ZNF385D: variants seen among roughly 807,000 people sequenced by gnomAD.
ZNF385D encodes the protein zinc finger protein 659.
A neutral mutation model predicts 35.8 loss-of-function variants in ZNF385D; 15 were observed. The ratio of observed to expected loss-of-function variants is 0.42; its 90% CI spans 0.28 to 0.64. The LOEUF is 0.64. ZNF385D is among the 30% of genes least tolerant of loss of function. ZNF385D has a pLI of 0.23. For missense variants in ZNF385D, 474 were observed against 494.6 expected, an observed-to-expected ratio of 0.96 and a Z score of 0.39; for synonymous variants, 212 against 186.8, an observed-to-expected ratio of 1.13 and a Z score of -1.10.
At chr3:21,865,083 G>T (rs1272779296) in intron 3 of ZNF385D, among the ~76,000 whole-genome samples, 7 of 122,296 alleles carry the variant, frequency 5.7e-5, no homozygotes, top group Non-Finnish European at 6.7e-5. Flanking sequence ...TTTTTGAGAG[G>T]AGGAGCCTAC....
chr3:21,640,504 G>A (rs1049694281), intron 2 of ZNF385D, among the ~76,000 whole-genome samples: 1 of 152,038 alleles, frequency 6.6e-6, no homozygotes, highest in Non-Finnish European at 1.5e-5. Context: ...AGGTAATTAG[G>A]TTTAGAGGCA....
At chr3:22,048,923 T>C (rs915902390) in intron 3 of ZNF385D, among the ~76,000 whole-genome samples, 27 of 152,180 alleles carry the variant, frequency 1.8e-4, no homozygotes, top group African/African-American at 6.0e-4. Flanking sequence ...ATTTCTTTCA[T>C]TCATGTTTTA....
At chr3:22,033,009 T>C (rs946168744) in intron 3 of ZNF385D, among the ~76,000 whole-genome samples, 1 of 152,184 alleles carries the variant, frequency 6.6e-6, no homozygotes, top group African/African-American at 2.4e-5. Flanking sequence ...GACCCTGTGC[T>C]ATACTGCAGA....
At position 22,089,907 on chromosome 3, in the gene ZNF385D, T is replaced by C. The variant is rs191797558; in HGVS notation, c.325+78910A>G. On this transcript the variant is annotated intron_variant, in intron 3 of 5. Transcript: ENST00000494108. ...CTGGAGTGCTGCAGTGGCATGATCTTGGCTCACTGAAACCTCTGCCTCCTG... is the reference window on the plus strand; with the variant it reads ...CTGGAGTGCTGCAGTGGCATGATCTCGGCTCACTGAAACCTCTGCCTCCTG... Among the ~76,000 whole-genome samples the C allele has an allele frequency of 3.8e-3, 572 of 152,242 alleles. 4 individuals carry two copies. Among genetic ancestry groups the C allele is most frequent in the Non-Finnish European group, 7.1e-3 (480 of 67,994 alleles).
chr3:22,020,902 A>G (rs1403475785), intron 3 of ZNF385D, among the ~76,000 whole-genome samples: 1 of 152,034 alleles, frequency 6.6e-6, no homozygotes, highest in Non-Finnish European at 1.5e-5. Flanking sequence ...TCATTAGATA[A>G]GGAAAATATG....
chr3:21,830,265 T>C (rs2125760902), intron 3 of ZNF385D, among the ~76,000 whole-genome samples: 1 of 152,372 alleles, frequency 6.6e-6, no homozygotes, highest in African/African-American at 2.4e-5. Flanking sequence ...CATGAGTATT[T>C]CGGGATTGTA....
chr3:21,949,576 T>C (rs1701964494), intron 3 of ZNF385D, among the ~76,000 whole-genome samples: 1 of 150,414 alleles, frequency 6.6e-6, no homozygotes, highest in Admixed American at 6.6e-5. Context: ...TTTTTAATAC[T>C]TTTAAGTTCT....
intron 1 of ZNF385D, among the ~76,000 whole-genome samples, chr3:21,737,952 T>C (rs1441891207): frequency 1.3e-5 from 2 of 152,352 alleles, no homozygotes; most frequent in African/African-American, 4.8e-5. Flanking sequence ...CGGCCATCAC[T>C]GTGATTAGCG....
At chr3:22,202,326 A>T (rs900525980) in intron 2 of ZNF385D, among the ~76,000 whole-genome samples, 1 of 152,048 alleles carries the variant, frequency 6.6e-6, no homozygotes, top group African/African-American at 2.4e-5. Flanking sequence ...AAGTGTTCAG[A>T]TTCAGCCATG....
chr3:21,478,722 G>A lies in ZNF385D; in HGVS notation c.439+32139C>T, dbSNP rs954858126. Among the ~76,000 whole-genome samples, 13 of 152,164 alleles carry A rather than the reference G, an allele frequency of 8.5e-5. No individual in the cohort carries two copies. In the South Asian group the frequency reaches 1.9e-3, roughly 22 times the overall value. On this transcript the variant is annotated intron_variant, in intron 4 of 7. Coordinates refer to ENST00000281523, the MANE Select transcript of ZNF385D (RefSeq NM_024697.3). ...GTAGGATTATTTTTTCCTAGTACTG[G>A]CTATTTCTTTTGAAAGAAAGAAAGG...
At chr3:21,727,254 T>A (rs779430099) in intron 1 of ZNF385D, among the ~76,000 whole-genome samples, 1 of 152,124 alleles carries the variant, frequency 6.6e-6, no homozygotes, top group South Asian at 2.1e-4. Context: ...ATTCAGGACA[T>A]AGGCATGGGC....
At chr3:22,115,663 T>C (rs112545394) in intron 3 of ZNF385D, among the ~76,000 whole-genome samples, 5 of 152,040 alleles carry the variant, frequency 3.3e-5, no homozygotes, top group African/African-American at 9.7e-5. Context: ...CAGTAAACCA[T>C]ATTGAGAAGT....
chr3:22,186,632 G>A (rs1204761652), intron 2 of ZNF385D, among the ~76,000 whole-genome samples: 1 of 148,460 alleles, frequency 6.7e-6, no homozygotes, highest in African/African-American at 2.4e-5. Context: ...GGGCAAATGA[G>A]CTGGGTCATA....
At chr3:22,129,929 C>A (rs79564045) in intron 3 of ZNF385D, among the ~76,000 whole-genome samples, 1,616 of 152,208 alleles carry the variant, frequency 0.011, 10 homozygotes, top group Non-Finnish European at 0.017. Context: ...TGGGTCACAC[C>A]TGAAGCCAGC....
chr3:21,932,627 TTTC>T (rs1335299838), intron 3 of ZNF385D, among the ~76,000 whole-genome samples: 2 of 151,780 alleles, frequency 1.3e-5, no homozygotes, highest in Non-Finnish European at 2.9e-5. Flanking sequence ...TCAGGATTAT[TTTC>T]TTCTTAAGAA....
chr3:21,691,906 T>C (rs766433239), intron 1 of ZNF385D, among the ~76,000 whole-genome samples: 2 of 152,172 alleles, frequency 1.3e-5, no homozygotes, highest in Non-Finnish European at 2.9e-5. Context: ...CCCCAGTCCC[T>C]GGTAACCACT....
intron 3 of ZNF385D, among the ~76,000 whole-genome samples, chr3:21,805,971 T>C (rs774365544): frequency 6.6e-6 from 1 of 152,134 alleles, no homozygotes; most frequent in Non-Finnish European, 1.5e-5. Flanking sequence ...TCAGAGTGCT[T>C]TGGATACTGT....
At chr3:21,840,178 T>C (rs1695573281) in intron 3 of ZNF385D, among the ~76,000 whole-genome samples, 1 of 152,032 alleles carries the variant, frequency 6.6e-6, no homozygotes, top group African/African-American at 2.4e-5. Context: ...TGTATTTCAG[T>C]GACAACAGAG....
intron 3 of ZNF385D, among the ~76,000 whole-genome samples, chr3:22,035,120 G>T (rs1159128360): frequency 6.6e-6 from 1 of 152,118 alleles, no homozygotes; most frequent in East Asian, 1.9e-4. Flanking sequence ...GGGTATCAAT[G>T]AACTAGAAAG....
Sources: allele counts gnomAD v4.1 joint callset (sites outside exome capture counted in the v4.1 genomes callset), GRCh38; gene constraint gnomAD v4.1.1; transcripts MANE v1.5; gene names NCBI Gene and HGNC (gene_info 2026-07-23, HGNC 2026-07-21).